DZIP3: variants seen among roughly 807,000 people sequenced by gnomAD.
DZIP3 encodes E3 ubiquitin-protein ligase DZIP3.
In DZIP3, 118 loss-of-function variants were observed where a neutral mutation model predicts 162.0. That is an observed-to-expected ratio of 0.73 (90% confidence interval 0.63 to 0.85). DZIP3 has a LOEUF of 0.85. Ranked by LOEUF, DZIP3 falls within the 40% of genes least tolerant of loss-of-function variation. DZIP3 has a pLI of 0.00. For synonymous variants in DZIP3, 438 were observed against 458.6 expected (o/e 0.96, Z 0.57); for missense variants, 1,331 against 1,407.0 (o/e 0.95, Z 0.86).
At chr3:108,665,740 C>A (rs1328828816) in intron 21 of DZIP3, among the ~76,000 whole-genome samples, 1 of 152,000 alleles carries the variant, frequency 6.6e-6, no homozygotes, top group African/African-American at 2.4e-5. Context: ...CTTATGAGAA[C>A]AGTAATTTGA....
chr3:108,604,115 AATT>A, intron 1 of DZIP3, among the ~76,000 whole-genome samples: 1 of 152,318 alleles, frequency 6.6e-6, no homozygotes, highest in South Asian at 2.1e-4. Context: ...CCCTATGCTG[AATT>A]ACCTTTTAGT....
At position 108,611,120 on chromosome 3, in the gene DZIP3, G is replaced by A; in HGVS notation, c.103-54G>A. 2.0e-6 allele frequency: 3 copies of A among 1,475,392 alleles called. No individual in the cohort carries two copies. The South Asian group carries it at 4.1e-5, about 20-fold the overall frequency. 91.4% of individuals were successfully genotyped at this position (1,475,392 alleles called of 1,614,324 possible). ...ATGCTTTGGCTGATCTTAGAATTAA[G>A]AGTGAATGAGAATATGCAAACTGTG... is the stretch of plus-strand genomic sequence containing the variant. On this transcript the variant is annotated intron_variant, in intron 3 of 32. Transcript: ENST00000361582.
chr3:108,615,787 A>C (rs1362842092), intron 4 of DZIP3, among the ~76,000 whole-genome samples: 2 of 152,220 alleles, frequency 1.3e-5, no homozygotes, highest in Non-Finnish European at 2.9e-5. Context: ...TTGCAGCATA[A>C]AATGGTTTAC....
chr3:108,612,526 T>C (rs955703057), intron 4 of DZIP3, among the ~76,000 whole-genome samples: 7 of 152,078 alleles, frequency 4.6e-5, no homozygotes, highest in African/African-American at 1.7e-4. Context: ...AATAGAAGAA[T>C]AGTACAGTCA....
intron 6 of DZIP3, among the ~76,000 whole-genome samples, chr3:108,625,225 A>G (rs532489000): frequency 1.8e-4 from 28 of 152,178 alleles, no homozygotes; most frequent in African/African-American, 6.3e-4. Context: ...AGATCCTGAT[A>G]TTTACTTCCA....
Position 108,654,172 on chromosome 3 carries a change from G to C in DZIP3, c.2061G>C (p.Gln687His). ...QVPYVVEKEE[Q>H]LRKEQANPHS... ...CATATGTGGTAGAAAAGGAAGAGCA[G>C]TTGAGGAAAGAACAAGCAAATCCAC... The change falls in exon 19 of 33, where the codon CAG (glutamine) becomes CAC (histidine). Residue 687 changes from glutamine (Q) to histidine (H), a missense_variant. By Grantham distance (24) the Gln-to-His change is conservative (BLOSUM62 0). Transcript: ENST00000361582. The C allele has an allele frequency of 6.2e-7, 1 of 1,613,522 alleles. No individual in the cohort carries two copies.
At chr3:108,687,872 C>T in intron 28 of DZIP3, 104 bp from the exon 29 acceptor site, 2 of 1,451,328 alleles carry the variant, frequency 1.4e-6, no homozygotes, top group South Asian at 2.4e-5. Flanking sequence ...CTGTATGCTA[C>T]ATATCAATCA....
intron 19 of DZIP3, among the ~76,000 whole-genome samples, chr3:108,657,089 A>G (rs1353733497): frequency 1.3e-5 from 2 of 152,236 alleles, no homozygotes; most frequent in East Asian, 1.9e-4. Context: ...AACTTCCCCA[A>G]TCTAGCAAGG....
chr3:108,596,240 G>T (rs1230541457), intron 1 of DZIP3, among the ~76,000 whole-genome samples: 1 of 152,190 alleles, frequency 6.6e-6, no homozygotes, highest in Non-Finnish European at 1.5e-5. Context: ...ATTTGACTGG[G>T]TGGCTGTGCT....
chr3:108,684,470 A>G, intron 27 of DZIP3, 129 bp downstream of exon 27: 1 of 1,173,708 alleles, frequency 8.5e-7, no homozygotes, highest in Non-Finnish European at 1.2e-6. Context: ...TGATAATTGA[A>G]TGAATACTTC....
At chr3:108,656,538 TGGGGAA>T (rs200225734) in intron 19 of DZIP3, among the ~76,000 whole-genome samples, 2,885 of 151,906 alleles carry the variant, frequency 0.019, 94 homozygotes, top group African/African-American at 0.066. Context: ...ACCACAAAGA[TGGGGAA>T]AAAACAGAGC....
In DZIP3 at chr3:108,684,274, C is replaced by T; in HGVS notation, c.2942C>T (p.Thr981Ile). Residue 981 changes from threonine to isoleucine, a missense_variant, in exon 27 of 33, where the codon ACT (threonine) becomes ATT (isoleucine). Around this residue, in one of 2 missense-constraint regions of DZIP3, gnomAD observed 1,278 missense variants for 1,317.1 expected, o/e 0.97. Transcript: ENST00000361582. ...VKESFFRPIL[T>I]VPQMPAVCPG... ...GAATCTTTCTTTAGACCCATACTTACTGTTCCTCAAATGCCTGCAGTTTGC... is the reference window on the plus strand; with the variant it reads ...GAATCTTTCTTTAGACCCATACTTATTGTTCCTCAAATGCCTGCAGTTTGC... 6.2e-7 allele frequency: 1 copy of T among 1,613,240 alleles called. No homozygotes were observed. Among genetic ancestry groups the T allele is most frequent in the Non-Finnish European group, 8.5e-7 (1 of 1,179,544 alleles).
At chr3:108,636,569 A>T in intron 10 of DZIP3, 47 bp from the exon 11 acceptor site, 1 of 1,146,362 alleles carries the variant, frequency 8.7e-7, no homozygotes, top group Non-Finnish European at 1.2e-6. Context: ...AGATTTGCAC[A>T]TCAGTGATTT....
intron 4 of DZIP3, 25 bp from the exon 5 acceptor site, chr3:108,616,509 ATAGACAT>A (rs773790834): frequency 7.0e-7 from 1 of 1,429,544 alleles, no homozygotes; most frequent in South Asian, 1.2e-5. Context: ...GTTCAGACTT[ATAGACAT>A]TTTTAACTGA....
intron 12 of DZIP3, among the ~76,000 whole-genome samples, chr3:108,639,409 T>C (rs1357614806): frequency 1.3e-5 from 2 of 152,246 alleles, no homozygotes; most frequent in East Asian, 1.9e-4. Flanking sequence ...GAACACTTTC[T>C]TGGGTGGTGG....
intron 1 of DZIP3, among the ~76,000 whole-genome samples, chr3:108,605,009 C>T (rs914657626): frequency 1.2e-4 from 18 of 152,140 alleles, no homozygotes; most frequent in African/African-American, 3.6e-4. Flanking sequence ...TCCCAATCAA[C>T]CAGCTGTTGT....
chr3:108,608,231 A>C (rs1040349792), intron 3 of DZIP3, 73 bp downstream of exon 3: 2 of 1,220,078 alleles, frequency 1.6e-6, no homozygotes, highest in Admixed American at 1.9e-5. Context: ...GCAGTAATAC[A>C]TCTAGTCAGT....
At chr3:108,652,011 C>T (rs548830089) in intron 18 of DZIP3, among the ~76,000 whole-genome samples, 90 of 151,794 alleles carry the variant, frequency 5.9e-4, no homozygotes, top group Non-Finnish European at 4.4e-5. Flanking sequence ...TTTTCACTTT[C>T]TTTGGCAACA....
intron 23 of DZIP3, among the ~76,000 whole-genome samples, chr3:108,673,826 G>T (rs80132954): frequency 0.019 from 2,888 of 152,002 alleles, 97 homozygotes; most frequent in African/African-American, 0.066. Flanking sequence ...GACGATTCCA[G>T]TATGATTACA....
Sources: gnomAD v4.1 joint callset for allele counts (sites outside exome capture counted in the v4.1 genomes callset) on GRCh38, gnomAD v4.1.1 for gene constraint, gnomAD v4.1.1 regional missense constraint, MANE v1.5 for transcripts, NCBI Gene and HGNC (gene_info 2026-07-23, HGNC 2026-07-21) for gene names.